Variants in PRKCA observed in about 807,000 individuals in gnomAD.
PRKCA encodes protein kinase C alpha type.
A neutral mutation model predicts 87.0 loss-of-function variants in PRKCA; 27 were observed. The observed-to-expected ratio is 0.31, with a 90% CI of 0.23 to 0.43. The LOEUF is 0.43. Ranked by LOEUF, PRKCA falls within the 20% of genes least tolerant of loss-of-function variation. The probability of loss-of-function intolerance (pLI) is 1.00; values close to 1 mark genes in which losing one functional copy is unlikely to be tolerated. For missense variants in PRKCA, 518 were observed against 852.3 expected (o/e 0.61, Z 4.88); for synonymous variants, 329 against 311.1 (o/e 1.06, Z -0.61).
At chr17:66,550,163 C>T (rs1014677785) in intron 3 of PRKCA, among the ~76,000 whole-genome samples, 14 of 152,230 alleles carry the variant, frequency 9.2e-5, no homozygotes, top group Non-Finnish European at 1.0e-4. Flanking sequence ...GGTGAAGAGA[C>T]GTAACCATGA....
chr17:66,771,082 A>C (rs1320773784), intron 13 of PRKCA, among the ~76,000 whole-genome samples: 1 of 149,228 alleles, frequency 6.7e-6, no homozygotes. Flanking sequence ...TTGGCTCACT[A>C]TACTCTGCCT....
At chr17:66,552,440 C>T (rs1018203752) in intron 3 of PRKCA, among the ~76,000 whole-genome samples, 1 of 152,208 alleles carries the variant, frequency 6.6e-6, no homozygotes, top group Non-Finnish European at 1.5e-5. Context: ...GAGGGTTTCT[C>T]CCGGGCTGCA....
At chr17:66,350,485 G>A (rs77903171) in intron 2 of PRKCA, among the ~76,000 whole-genome samples, 6,775 of 152,096 alleles carry the variant, frequency 0.045, 175 homozygotes, top group East Asian at 0.098. Context: ...TTCCATTTTT[G>A]GAATTCTGTT....
At chr17:66,457,598 A>G (rs1914628201) in intron 2 of PRKCA, among the ~76,000 whole-genome samples, 1 of 152,044 alleles carries the variant, frequency 6.6e-6, no homozygotes. Flanking sequence ...ACCTGGTGGG[A>G]GGTAGTTGAA....
intron 14 of PRKCA, among the ~76,000 whole-genome samples, chr17:66,776,151 T>C (rs1194966038): frequency 6.6e-6 from 1 of 151,682 alleles, no homozygotes; most frequent in Non-Finnish European, 1.5e-5. Flanking sequence ...AGGGAGGGAG[T>C]AGGAGGCCTG....
At chr17:66,386,263 A>AT (rs1910056865) in intron 2 of PRKCA, among the ~76,000 whole-genome samples, 1 of 152,180 alleles carries the variant, frequency 6.6e-6, no homozygotes, top group Non-Finnish European at 1.5e-5. Context: ...CAGAGACATA[A>AT]CTTATTTTGC....
At chr17:66,417,404 G>T (rs1460128772) in intron 2 of PRKCA, among the ~76,000 whole-genome samples, 2 of 152,120 alleles carry the variant, frequency 1.3e-5, no homozygotes, top group African/African-American at 2.4e-5. Flanking sequence ...AGAGGAATTT[G>T]TCTTTGCCTG....
intron 8 of PRKCA, among the ~76,000 whole-genome samples, chr17:66,704,759 TTAAC>T (rs1973149122): frequency 6.6e-6 from 1 of 152,228 alleles, no homozygotes. Flanking sequence ...TTCTTACTAA[TTAAC>T]AAATTAATAT....
chr17:66,482,098 CAAAAAAA>C (rs58719328), intron 2 of PRKCA, among the ~76,000 whole-genome samples: 4 of 89,342 alleles, frequency 4.5e-5, no homozygotes, highest in South Asian at 4.3e-4. Flanking sequence ...AAGACTGTCT[CAAAAAAA>C]AAAAAAAAAA....
chr17:66,498,863 G>A (rs892549962), intron 3 of PRKCA, among the ~76,000 whole-genome samples: 1 of 152,218 alleles, frequency 6.6e-6, no homozygotes, highest in Non-Finnish European at 1.5e-5. Context: ...CAAGATATGG[G>A]AAGGAGTTTA....
chr17:66,449,327 G>A (rs1349203531), intron 2 of PRKCA, among the ~76,000 whole-genome samples: 1 of 151,906 alleles, frequency 6.6e-6, no homozygotes, highest in Non-Finnish European at 1.5e-5. Context: ...AAAAAAGCAT[G>A]AGCTTTAAAG....
intron 2 of PRKCA, among the ~76,000 whole-genome samples, chr17:66,336,381 G>T (rs1302656745): frequency 2.6e-5 from 4 of 152,168 alleles, no homozygotes; most frequent in Non-Finnish European, 5.9e-5. Context: ...TGGGGCTTCT[G>T]TAAGGACGTG....
chr17:66,497,892 A>G (rs565809102), intron 3 of PRKCA, among the ~76,000 whole-genome samples: 5 of 152,362 alleles, frequency 3.3e-5, no homozygotes, highest in African/African-American at 1.2e-4. Context: ...GTGCACGGGA[A>G]CATGCACAAT....
intron 5 of PRKCA, among the ~76,000 whole-genome samples, chr17:66,661,641 G>A (rs1446361913): frequency 1.3e-5 from 2 of 152,174 alleles, no homozygotes; most frequent in African/African-American, 4.8e-5. Flanking sequence ...AGTGACATTT[G>A]TCCAATTCAG....
chr17:66,381,929 A>G (rs1290908678), intron 2 of PRKCA, among the ~76,000 whole-genome samples: 3 of 152,176 alleles, frequency 2.0e-5, no homozygotes, highest in African/African-American at 7.2e-5. Flanking sequence ...GAGGCTGGTA[A>G]TACAATGATG....
chr17:66,695,827 G>A (rs1212566898), intron 8 of PRKCA, among the ~76,000 whole-genome samples: 3 of 152,164 alleles, frequency 2.0e-5, no homozygotes, highest in Admixed American at 2.0e-4. Flanking sequence ...GAAAAATGAT[G>A]TCCCATTAGA....
rs563611729 is a variant in PRKCA, at chr17:66,713,403, C to T, written c.919-19285C>T. Among the ~76,000 whole-genome samples, 39 of 152,264 alleles carry T rather than the reference C, an allele frequency of 2.6e-4. No individual in the cohort carries two copies. In the South Asian group the frequency reaches 8.1e-3, roughly 32 times the overall value. ...CCCCAGTTGGGAGACCCCGGTTGTA[C>T]ATTAGGTACAAATAACCCATCAGAT... On this transcript the variant is annotated intron_variant, in intron 8 of 16. Coordinates refer to ENST00000413366, the MANE Select transcript of PRKCA (RefSeq NM_002737.3).
At chr17:66,765,524 TTATATA>T (rs1191720601) in intron 13 of PRKCA, among the ~76,000 whole-genome samples, 1 of 143,882 alleles carries the variant, frequency 7.0e-6, no homozygotes, top group Non-Finnish European at 1.5e-5. Flanking sequence ...ATATTTGTCT[TTATATA>T]TATATGTCTT....
intron 2 of PRKCA, among the ~76,000 whole-genome samples, chr17:66,407,006 C>T (rs1911450179): frequency 6.6e-6 from 1 of 152,162 alleles, no homozygotes. Context: ...TCTAGACACT[C>T]TTCGTTGCTT....
Sources: allele counts gnomAD v4.1 joint callset (sites outside exome capture counted in the v4.1 genomes callset), GRCh38; gene constraint gnomAD v4.1.1; transcripts MANE v1.5; gene names NCBI Gene and HGNC (gene_info 2026-07-23, HGNC 2026-07-21).